The following CAMTA1 variants were observed in gnomAD, a reference collection of about 807,000 sequenced individuals.
CAMTA1 encodes calmodulin-binding transcription activator 1.
A neutral mutation model predicts 170.9 loss-of-function variants in CAMTA1; 27 were observed. The observed-to-expected ratio is 0.16, with a 90% CI of 0.12 to 0.22. The LOEUF (loss-of-function observed/expected upper bound fraction) is 0.22, where lower values mean the gene tolerates loss of function less well. CAMTA1 is among the 10% of genes least tolerant of loss of function. The pLI is 1.00. For synonymous variants in CAMTA1, 833 were observed against 891.5 expected (o/e 0.93, Z 1.17); for missense variants, 1,619 against 2,217.2 (o/e 0.73, Z 5.42).
intron 4 of CAMTA1, among the ~76,000 whole-genome samples, chr1:7,174,968 T>A (rs557171580): frequency 9.6e-4 from 147 of 152,348 alleles, no homozygotes; most frequent in African/African-American, 3.4e-3. Context: ...AGTTCTTTTA[T>A]AAACTATGTT....
intron 1 of CAMTA1, among the ~76,000 whole-genome samples, chr1:6,806,718 T>TA (rs963954278): frequency 4.4e-4 from 67 of 152,078 alleles, no homozygotes; most frequent in African/African-American, 1.3e-3. Flanking sequence ...TTGCATGTTT[T>TA]AAAAAAAATG....
At chr1:7,427,423 C>T (rs2091920759) in intron 5 of CAMTA1, among the ~76,000 whole-genome samples, 1 of 152,140 alleles carries the variant, frequency 6.6e-6, no homozygotes, top group Admixed American at 6.5e-5. Flanking sequence ...TCCTCAGACA[C>T]CACTGATTGT....
At chr1:7,317,188 G>A (rs994438111) in intron 5 of CAMTA1, among the ~76,000 whole-genome samples, 2 of 152,200 alleles carry the variant, frequency 1.3e-5, no homozygotes, top group African/African-American at 4.8e-5. Flanking sequence ...GCAGGCCTGC[G>A]GGAGTAGGAA....
intron 6 of CAMTA1, among the ~76,000 whole-genome samples, chr1:7,543,466 A>G (rs1292843635): frequency 1.3e-5 from 2 of 152,150 alleles, no homozygotes; most frequent in African/African-American, 2.4e-5. Flanking sequence ...ACATGGCTCT[A>G]GTATATCGAC....
rs1047977047 is a variant in CAMTA1 at position 7,642,455 on chromosome 1, G to T, written c.664+1902G>T. Among the ~76,000 whole-genome samples, 2 of 152,152 alleles carry T rather than the reference G, an allele frequency of 1.3e-5. No homozygotes were observed. Among genetic ancestry groups the T allele is most frequent in the Non-Finnish European group, 2.9e-5 (2 of 68,006 alleles). On this transcript the variant is annotated intron_variant, in intron 7 of 22. Transcript: ENST00000303635. This position sits in a 1 kb window ranked among gnomAD's most constrained non-coding sequence, Gnocchi z 6.3. Reference sequence around the variant, plus strand: ...GCAGGCCAGAGGCTAGGAGTCTGGGGCACCGGTGCTGCGGGCCCTGCTGTC... The same window carrying T: ...GCAGGCCAGAGGCTAGGAGTCTGGGTCACCGGTGCTGCGGGCCCTGCTGTC...
chr1:7,689,181 C>T (rs957875332), intron 11 of CAMTA1, among the ~76,000 whole-genome samples: 7 of 145,018 alleles, frequency 4.8e-5, no homozygotes, highest in African/African-American at 1.8e-4. Flanking sequence ...GCAGGAGAAT[C>T]GCTTGAACCC....
intron 6 of CAMTA1, among the ~76,000 whole-genome samples, chr1:7,486,980 T>C (rs2093626777): frequency 6.6e-6 from 1 of 152,008 alleles, no homozygotes; most frequent in Non-Finnish European, 1.5e-5. Flanking sequence ...TCCTCACCTG[T>C]ACAACAGAAA....
chr1:7,360,633 C>CT, intron 5 of CAMTA1, among the ~76,000 whole-genome samples: 1 of 152,186 alleles, frequency 6.6e-6, no homozygotes, highest in Non-Finnish European at 1.5e-5. Context: ...GTGCTCATGC[C>CT]TTTTGTGGCT....
At position 7,736,607 on chromosome 1, in the gene CAMTA1, C is replaced by G; in HGVS notation, c.3263+67C>G. On this transcript the variant is annotated intron_variant, in intron 13 of 22. Coordinates refer to ENST00000303635, the MANE Select transcript of CAMTA1 (RefSeq NM_015215.4). The surrounding 1 kb of genome is among the most constrained non-coding windows in gnomAD (Gnocchi z 4.5). Reference sequence around the variant, plus strand: ...TCCTCGCTCACATTCTTCCTGAGCACTGCCACCCGTGGAAGAAATCTACCC... The same window carrying G: ...TCCTCGCTCACATTCTTCCTGAGCAGTGCCACCCGTGGAAGAAATCTACCC... 6.8e-7 allele frequency: 1 copy of G among 1,468,952 alleles called. No homozygotes were observed. Among genetic ancestry groups the G allele is most frequent in the South Asian group, 1.2e-5 (1 of 86,820 alleles). 91.0% of individuals were successfully genotyped at this position (1,468,952 alleles called of 1,614,324 possible).
intron 11 of CAMTA1, among the ~76,000 whole-genome samples, chr1:7,689,316 G>A (rs989995359): frequency 1.3e-5 from 2 of 150,874 alleles, no homozygotes; most frequent in Non-Finnish European, 2.9e-5. Context: ...GCTCACACCT[G>A]TAATCCCAGC....
chr1:7,620,959 G>A (rs567786485), intron 6 of CAMTA1, among the ~76,000 whole-genome samples: 2 of 152,196 alleles, frequency 1.3e-5, no homozygotes, highest in Non-Finnish European at 2.9e-5. Context: ...CAGCCCTGAG[G>A]ACAGGTGCAG....
At chr1:6,825,833 A>T (rs1011802554) in intron 3 of CAMTA1, among the ~76,000 whole-genome samples, 1 of 152,204 alleles carries the variant, frequency 6.6e-6, no homozygotes, top group Non-Finnish European at 1.5e-5. Flanking sequence ...CAGGAGTCTT[A>T]CTGTTAGGAG....
chr1:7,072,330 C>T (rs921901269), intron 3 of CAMTA1, among the ~76,000 whole-genome samples: 35 of 152,248 alleles, frequency 2.3e-4, no homozygotes, highest in African/African-American at 5.5e-4. Flanking sequence ...AGTATGGATG[C>T]GAGGTGTGTG....
At chr1:7,563,607 C>T (rs562245777) in intron 6 of CAMTA1, among the ~76,000 whole-genome samples, 1 of 152,358 alleles carries the variant, frequency 6.6e-6, no homozygotes, top group South Asian at 2.1e-4. Flanking sequence ...CTGATGGCCA[C>T]CTTGAGACTG....
chr1:7,323,514 T>C (rs1215221828), intron 5 of CAMTA1, among the ~76,000 whole-genome samples: 91 of 144,714 alleles, frequency 6.3e-4, no homozygotes, highest in African/African-American at 2.3e-3. Flanking sequence ...CTTCTTTTTT[T>C]TTTTTTTTTT....
intron 3 of CAMTA1, among the ~76,000 whole-genome samples, chr1:6,983,704 G>T (rs1694817892): frequency 6.6e-6 from 1 of 151,592 alleles, no homozygotes; most frequent in Admixed American, 6.6e-5. Context: ...ATGAATGGGT[G>T]AGTGGATGGT....
intron 3 of CAMTA1, among the ~76,000 whole-genome samples, chr1:6,831,018 C>G (rs1570604854): frequency 6.6e-6 from 1 of 151,766 alleles, no homozygotes; most frequent in East Asian, 2.0e-4. Flanking sequence ...TGGGCTTTCA[C>G]CGTGTTGGCC....
chr1:7,200,507 A>G (rs1246006583), intron 4 of CAMTA1, among the ~76,000 whole-genome samples: 1 of 152,216 alleles, frequency 6.6e-6, no homozygotes, highest in Non-Finnish European at 1.5e-5. Flanking sequence ...GGGCGCATTT[A>G]GTTCCAGTTT....
chr1:7,322,623 A>G (rs1370307603), intron 5 of CAMTA1, among the ~76,000 whole-genome samples: 1 of 152,184 alleles, frequency 6.6e-6, no homozygotes, highest in Non-Finnish European at 1.5e-5. Context: ...TTTGAGTCAC[A>G]CTTGGTTGTT....
Sources: allele counts gnomAD v4.1 joint callset (sites outside exome capture counted in the v4.1 genomes callset), GRCh38; gene constraint gnomAD v4.1.1; non-coding constraint Gnocchi (gnomAD v3.1); transcripts MANE v1.5; gene names NCBI Gene and HGNC (gene_info 2026-07-23, HGNC 2026-07-21).